The following ARHGEF28 variants were observed in gnomAD, a reference collection of about 807,000 sequenced individuals.
ARHGEF28 encodes the protein Rho guanine nucleotide exchange factor 28.
Under a neutral mutation model 206.6 loss-of-function variants are expected in ARHGEF28, and 152 were observed. That is an observed-to-expected ratio of 0.74 (90% CI 0.64 to 0.84). The LOEUF is 0.84. Ranked by LOEUF, ARHGEF28 falls within the 40% of genes least tolerant of loss-of-function variation. The pLI is 0.00. For missense variants in ARHGEF28, 2,028 were observed against 2,073.2 expected (o/e 0.98, Z 0.42); for synonymous variants, 763 against 776.4 (o/e 0.98, Z 0.29).
At chr5:73,784,588 A>C (rs1354297605) in intron 7 of ARHGEF28, among the ~76,000 whole-genome samples, 1 of 152,190 alleles carries the variant, frequency 6.6e-6, no homozygotes, top group African/African-American at 2.4e-5. Context: ...TGATCTTGGA[A>C]GCTATTTTGA....
chr5:73,666,139 A>G (rs1392848468), intron 1 of ARHGEF28, among the ~76,000 whole-genome samples: 1 of 152,218 alleles, frequency 6.6e-6, no homozygotes, highest in East Asian at 1.9e-4. Context: ...AAAGAAGGCA[A>G]GAAAAAAAGG....
At chr5:73,732,971 T>G (rs1199005526) in intron 2 of ARHGEF28, among the ~76,000 whole-genome samples, 2 of 152,208 alleles carry the variant, frequency 1.3e-5, no homozygotes, top group African/African-American at 4.8e-5. Context: ...ATATCCTGCT[T>G]TATTCATTTT....
intron 21 of ARHGEF28, 109 bp from the exon 22 acceptor site, chr5:73,872,890 A>G: frequency 1.6e-6 from 2 of 1,260,594 alleles, no homozygotes; most frequent in South Asian, 1.6e-5. Context: ...ATTCCTAAAC[A>G]TTTCTTTTTT....
intron 2 of ARHGEF28, among the ~76,000 whole-genome samples, chr5:73,725,069 A>C (rs189705463): frequency 0.02 from 3,026 of 152,232 alleles, 125 homozygotes; most frequent in African/African-American, 0.069. Context: ...GTTAAAAAAA[A>C]CCCTTAATTC....
chr5:73,774,440 T>C (rs150725679), intron 5 of ARHGEF28, among the ~76,000 whole-genome samples: 16 of 152,344 alleles, frequency 1.1e-4, no homozygotes, highest in Non-Finnish European at 5.9e-5. Context: ...ATATATCTCT[T>C]AATCATTTGA....
At chr5:73,901,359 C>G in intron 31 of ARHGEF28, 75 bp downstream of exon 31, 1 of 1,290,498 alleles carries the variant, frequency 7.7e-7, no homozygotes, top group Non-Finnish European at 1.1e-6. Context: ...TCTGGTCTGT[C>G]ACGGCAGTCA....
At chr5:73,728,943 C>A (rs1007849336) in intron 2 of ARHGEF28, among the ~76,000 whole-genome samples, 1 of 152,042 alleles carries the variant, frequency 6.6e-6, no homozygotes, top group Admixed American at 6.6e-5. Context: ...AAATAAATAA[C>A]AAAGAAAAGC....
intron 21 of ARHGEF28, 53 bp from the exon 22 acceptor site, chr5:73,872,946 G>A (rs1760201258): frequency 4.4e-6 from 7 of 1,586,906 alleles, no homozygotes; most frequent in South Asian, 2.3e-5. Context: ...GTTTAATAGC[G>A]AAACTTGCTT....
intron 4 of ARHGEF28, among the ~76,000 whole-genome samples, chr5:73,767,000 T>C (rs1752933503): frequency 6.6e-6 from 1 of 152,172 alleles, no homozygotes; most frequent in African/African-American, 2.4e-5. Context: ...GGTGGGTCTT[T>C]CCTGTACTAT....
rs1041934831 is a variant in ARHGEF28 at position 73,749,705 on chromosome 5, A to G, written c.34-132A>G. 2.6e-5 allele frequency: 23 copies of G among 891,108 alleles called. No homozygotes were observed. In the Middle Eastern group the frequency reaches 3.7e-3, roughly 142 times the overall value. 55.2% of individuals were successfully genotyped at this position (891,108 alleles called of 1,614,324 possible). The stretch of plus-strand genomic sequence containing the variant: ...GTGTTGTTGTTGGAAGGAAGCACTC[A>G]TGCTATTTGAACTCAACCACATGAA... On this transcript the variant is annotated intron_variant, in intron 2 of 35. Coordinates refer to ENST00000513042, the MANE Select transcript of ARHGEF28 (RefSeq NM_001177693.2).
chr5:73,764,014 A>T (rs965268584), intron 4 of ARHGEF28, among the ~76,000 whole-genome samples: 5 of 152,204 alleles, frequency 3.3e-5, no homozygotes, highest in African/African-American at 1.2e-4. Context: ...AAGATCAGAC[A>T]AATGTGTAAA....
intron 7 of ARHGEF28, among the ~76,000 whole-genome samples, chr5:73,788,362 T>C (rs1754281127): frequency 6.6e-6 from 1 of 152,124 alleles, no homozygotes; most frequent in Admixed American, 6.5e-5. Context: ...CTTGAAAAAC[T>C]CAGATTAGGG....
chr5:73,917,042 C>T (rs1763251620), intron 35 of ARHGEF28, among the ~76,000 whole-genome samples: 1 of 152,080 alleles, frequency 6.6e-6, no homozygotes, highest in South Asian at 2.1e-4. Flanking sequence ...GAAACTAGAG[C>T]AGAAAATATT....
intron 9 of ARHGEF28, 146 bp downstream of exon 9, chr5:73,795,537 T>C: frequency 1.5e-6 from 1 of 686,404 alleles, no homozygotes; most frequent in South Asian, 1.9e-5. Flanking sequence ...AAATTTTATT[T>C]GTAGGATCAT....
intron 26 of ARHGEF28, 115 bp downstream of exon 26, chr5:73,887,794 T>C: frequency 1.2e-6 from 1 of 851,418 alleles, no homozygotes; most frequent in Non-Finnish European, 1.7e-6. Context: ...TATGCTTCTG[T>C]TATGTTTCCA....
intron 9 of ARHGEF28, among the ~76,000 whole-genome samples, chr5:73,799,788 G>A (rs1359987592): frequency 6.6e-6 from 1 of 152,196 alleles, no homozygotes; most frequent in Non-Finnish European, 1.5e-5. Context: ...GAGGGAAGGT[G>A]ATAGGGAGAT....
intron 35 of ARHGEF28, among the ~76,000 whole-genome samples, chr5:73,913,377 G>A (rs1277170033): frequency 1.3e-5 from 2 of 152,138 alleles, no homozygotes; most frequent in African/African-American, 4.8e-5. Context: ...AATTTCTACA[G>A]GGGAGAAAAG....
chr5:73,890,498 A>T (rs1046094617), intron 26 of ARHGEF28, among the ~76,000 whole-genome samples: 1 of 152,242 alleles, frequency 6.6e-6, no homozygotes, highest in African/African-American at 2.4e-5. Flanking sequence ...CAGTATTCCA[A>T]CAACTCTGCC....
At chr5:73,744,358 A>C (rs536526083) in intron 2 of ARHGEF28, among the ~76,000 whole-genome samples, 2 of 152,236 alleles carry the variant, frequency 1.3e-5, no homozygotes, top group African/African-American at 4.8e-5. Context: ...TTGGGGCAGA[A>C]ATCAAGAAAC....
Sources: gnomAD v4.1 joint callset for allele counts (sites outside exome capture counted in the v4.1 genomes callset) on GRCh38, gnomAD v4.1.1 for gene constraint, MANE v1.5 for transcripts, NCBI Gene and HGNC (gene_info 2026-07-23, HGNC 2026-07-21) for gene names.